The following RPH3AL variants were observed in gnomAD, a reference collection of about 807,000 sequenced individuals.
RPH3AL encodes rabphilin 3A like (without C2 domains).
In RPH3AL, 38 loss-of-function variants were observed where a neutral mutation model predicts 43.1. The ratio of observed to expected loss-of-function variants is 0.88; its 90% CI spans 0.68 to 1.15. RPH3AL has a LOEUF of 1.15. Among genes scored for constraint, RPH3AL ranks in the 50% most tolerant of loss-of-function variants. The pLI, the probability that RPH3AL is intolerant of heterozygous loss-of-function variation, is 0.00. For missense variants in RPH3AL, 462 were observed against 423.2 expected (o/e 1.09, Z -0.81); for synonymous variants, 189 against 176.3 (o/e 1.07, Z -0.57).
intron 8 of RPH3AL, 122 bp downstream of exon 8, chr17:219,501 A>G: frequency 2.2e-6 from 1 of 458,118 alleles, no homozygotes; most frequent in Non-Finnish European, 3.8e-6. Context: ...CCGGCCTAAT[A>G]GTTTCATTTC....
chr17:294,216 G>A (rs1006340908), intron 5 of RPH3AL, among the ~76,000 whole-genome samples: 11 of 151,760 alleles, frequency 7.2e-5, no homozygotes, highest in East Asian at 1.9e-4. Context: ...ATGAAGAGAC[G>A]TACAAACGCC....
intron 7 of RPH3AL, among the ~76,000 whole-genome samples, chr17:224,947 C>T: frequency 8.6e-6 from 1 of 116,518 alleles, no homozygotes; most frequent in Non-Finnish European, 1.8e-5. Flanking sequence ...GGGAACATCA[C>T]ACACCGGGGC....
At position 328,697 on chromosome 17, in the gene RPH3AL, G is replaced by A. The variant is rs575023633; in HGVS notation, c.-36-1118C>T. ...TGAGGAAAATGTGCTATATCCATACGATGATTATTATTTACAATGGATTAT... is the reference window on the plus strand; with the variant it reads ...TGAGGAAAATGTGCTATATCCATACAATGATTATTATTTACAATGGATTAT... On this transcript the variant is annotated intron_variant, in intron 2 of 9. Transcript: ENST00000331302. The surrounding 1 kb of genome is among the most constrained non-coding windows in gnomAD (Gnocchi z 4.2). 3.5e-4 allele frequency among the ~76,000 whole-genome samples: 54 copies of A among 152,216 alleles called. No individual in the cohort carries two copies. Among genetic ancestry groups the A allele is most frequent in the Non-Finnish European group, 5.1e-4 (35 of 67,994 alleles).
rs1469185760 is a variant in RPH3AL at position 219,646 on chromosome 17, C to T, written c.704G>A (p.Gly235Asp). The T allele has an allele frequency of 6.2e-7, 1 of 1,602,898 alleles. No homozygotes were observed. The highest frequency in any genetic ancestry group is 1.1e-5 in the South Asian group (1 of 90,838). The stretch of plus-strand genomic sequence containing the variant: ...ACCTGACTCCTTCCAGGGTTTGTCG[C>T]CTTTCCGGTCCCTGACCCCAGTGGA... ...LPSTGVRDRKGDKPWKESGGS... is the reference protein window; with the variant it reads ...LPSTGVRDRKDDKPWKESGGS... The change falls in exon 8 of 10, where the codon GGC becomes GAC. Residue 235 changes from glycine to aspartate, a missense_variant. Transcript: ENST00000331302.
In RPH3AL at chr17:213,841, C is replaced by G; in HGVS notation, c.*11G>C. The G allele has an allele frequency of 6.2e-7, 1 of 1,609,062 alleles. No individual in the cohort carries two copies. The highest frequency in any genetic ancestry group is 8.5e-7 in the Non-Finnish European group (1 of 1,176,142). ...CCTCCACAGGGAAGTCTGTTCCAGG[C>G]ACCAGACACCTCAGCCCAGGCAGCT... is the stretch of plus-strand genomic sequence containing the variant. On this transcript the variant is annotated 3_prime_UTR_variant, in exon 10 of 10. Coordinates refer to ENST00000331302, the MANE Select transcript of RPH3AL (RefSeq NM_006987.4).
At position 250,002 on chromosome 17, in the gene RPH3AL, CCAT is replaced by C. The variant is rs1555541722; in HGVS notation, c.439-2720_439-2718del. Reference sequence around the variant, plus strand: ...GACCTCTCGGAGCCTTTACTAAGCTCCATCGCTGCGGGACCTCTCGGAGCCTTT... The same window carrying C: ...GACCTCTCGGAGCCTTTACTAAGCTCCGCTGCGGGACCTCTCGGAGCCTTT... On this transcript the variant is annotated intron_variant, in intron 6 of 9. Transcript: ENST00000331302. 2.1e-3 allele frequency among the ~76,000 whole-genome samples: 310 copies of C among 145,278 alleles called. 3 individuals are homozygous for C. Among genetic ancestry groups the C allele is most frequent in the African/African-American group, 7.6e-3 (295 of 38,766 alleles).
intron 1 of RPH3AL, among the ~76,000 whole-genome samples, chr17:349,815 T>A (rs1406869124): frequency 6.6e-6 from 1 of 152,208 alleles, no homozygotes; most frequent in Non-Finnish European, 1.5e-5. Flanking sequence ...TATGTAGTAA[T>A]AGCAGCAGCA....
intron 5 of RPH3AL, among the ~76,000 whole-genome samples, chr17:316,902 C>T (rs1598111045): frequency 1.0e-5 from 1 of 95,464 alleles, no homozygotes; most frequent in Non-Finnish European, 2.3e-5. Context: ...AGTCCCTGTG[C>T]TCCACCTCCA....
chr17:243,000 GAAT>G (rs2041609008), intron 7 of RPH3AL, among the ~76,000 whole-genome samples: 2 of 122,520 alleles, frequency 1.6e-5, no homozygotes, highest in Non-Finnish European at 1.7e-5. Context: ...TTCCTCTATT[GAAT>G]ACCTTCCTCT....
chr17:315,170 C>A (rs1555518932), intron 5 of RPH3AL, among the ~76,000 whole-genome samples: 2 of 145,232 alleles, frequency 1.4e-5, no homozygotes, highest in Admixed American at 6.9e-5. Flanking sequence ...TGTGCCCCCA[C>A]CTCCATTCAC....
chr17:285,218 G>A (rs1024392598), intron 5 of RPH3AL, among the ~76,000 whole-genome samples: 9 of 152,156 alleles, frequency 5.9e-5, no homozygotes, highest in South Asian at 2.1e-4. Context: ...TGCACCTCAC[G>A]CCATCCTGCG....
At chr17:331,957 C>A in intron 2 of RPH3AL, 2 of 1,067,088 alleles carry the variant, frequency 1.9e-6, no homozygotes, top group Non-Finnish European at 2.5e-6. Flanking sequence ...GGAAGGCAAA[C>A]CCCCAAATTC....
At chr17:275,393 C>T (rs925583628) in intron 6 of RPH3AL, among the ~76,000 whole-genome samples, 17 of 151,868 alleles carry the variant, frequency 1.1e-4, no homozygotes, top group African/African-American at 3.4e-4. Flanking sequence ...ATCACAATGT[C>T]GAATAAAGAA....
At chr17:315,850 G>A (rs1259999971) in intron 5 of RPH3AL, among the ~76,000 whole-genome samples, 2 of 143,266 alleles carry the variant, frequency 1.4e-5, no homozygotes, top group East Asian at 2.3e-4. Flanking sequence ...CACCTCCATT[G>A]ACCTGTAGTC....
Position 327,453 on chromosome 17 carries a change from C to T in RPH3AL, c.77+14G>A. 1.2e-6 allele frequency: 2 copies of T among 1,613,186 alleles called. No individual in the cohort carries two copies. The highest frequency in any genetic ancestry group is 2.2e-5 in the South Asian group (2 of 91,054). ...GAAGGAAGGGACGGCCTGGGGGGCC[C>T]CAGAGGTACTCACTTGGCTCGAAGG... On this transcript the variant is annotated intron_variant, in intron 3 of 9. Coordinates refer to ENST00000331302, the MANE Select transcript of RPH3AL (RefSeq NM_006987.4).
At chr17:320,508 G>A (rs1479280335) in intron 4 of RPH3AL, among the ~76,000 whole-genome samples, 1 of 152,032 alleles carries the variant, frequency 6.6e-6, no homozygotes, top group African/African-American at 2.4e-5. Context: ...GGGTGTGGTG[G>A]TGCCCACGCA....
intron 5 of RPH3AL, among the ~76,000 whole-genome samples, chr17:304,295 T>C (rs1473151249): frequency 6.6e-6 from 1 of 151,990 alleles, no homozygotes; most frequent in Non-Finnish European, 1.5e-5. Context: ...ATAGGTATTA[T>C]TATTCCCGAC....
rs571711022 is a variant in RPH3AL at position 335,504 on chromosome 17, C to T, written c.-212-1570G>A. Among the ~76,000 whole-genome samples the T allele has an allele frequency of 5.3e-5, 8 of 152,132 alleles. No homozygotes were observed. In the South Asian group the frequency reaches 8.3e-4, roughly 16 times the overall value. ...GAGTGGCAGAACCGCCCGGCCGGCC[C>T]GTAGACTGAGGAGGGGTAATAAATG... is the stretch of plus-strand genomic sequence containing the variant. On this transcript the variant is annotated intron_variant, in intron 1 of 9. Transcript: ENST00000331302.
At chr17:305,433 G>A (rs1041370196) in intron 5 of RPH3AL, among the ~76,000 whole-genome samples, 2 of 152,008 alleles carry the variant, frequency 1.3e-5, no homozygotes, top group Non-Finnish European at 2.9e-5. Context: ...CACCCTGGAG[G>A]CCCAGCTCAC....
Sources: allele counts gnomAD v4.1 joint callset (sites outside exome capture counted in the v4.1 genomes callset), GRCh38; gene constraint gnomAD v4.1.1; non-coding constraint Gnocchi (gnomAD v3.1); transcripts MANE v1.5; gene names NCBI Gene and HGNC (gene_info 2026-07-23, HGNC 2026-07-21).